The following FAF1 variants were observed in gnomAD, a reference collection of about 807,000 sequenced individuals.
FAF1 encodes the protein FAS-associated factor 1.
In FAF1, 25 loss-of-function variants were observed where a neutral mutation model predicts 92.5. That is an observed-to-expected ratio of 0.27 (90% CI 0.20 to 0.38). The LOEUF (loss-of-function observed/expected upper bound fraction) is 0.38, where lower values mean the gene tolerates loss of function less well. Among genes scored for constraint, FAF1 ranks in the 10% least tolerant of loss-of-function variants. FAF1 has a pLI of 1.00. For missense variants in FAF1, 636 were observed against 793.3 expected (o/e 0.80, Z 2.38); for synonymous variants, 234 against 273.2 (o/e 0.86, Z 1.42).
At chr1:50,734,733 C>CA (rs71672961) in intron 6 of FAF1, among the ~76,000 whole-genome samples, 1,280 of 83,898 alleles carry the variant, frequency 0.015, 3 homozygotes, top group Middle Eastern at 0.026. Flanking sequence ...GACTCCATCT[C>CA]AAAAAAAAAA....
At chr1:50,834,442 CAG>C (rs1644182853) in intron 2 of FAF1, among the ~76,000 whole-genome samples, 1 of 152,304 alleles carries the variant, frequency 6.6e-6, no homozygotes. Context: ...CCAAGAAAAT[CAG>C]AGTCATTGGG....
chr1:50,819,791 A>AT (rs1312250620), intron 2 of FAF1, among the ~76,000 whole-genome samples: 1 of 99,560 alleles, frequency 1.0e-5, no homozygotes, highest in African/African-American at 3.7e-5. Flanking sequence ...ATATATACAT[A>AT]TATATATATA....
At chr1:50,809,698 A>C (rs904749414) in intron 2 of FAF1, among the ~76,000 whole-genome samples, 5 of 152,222 alleles carry the variant, frequency 3.3e-5, no homozygotes, top group Admixed American at 6.5e-5. Flanking sequence ...TGTATATAGA[A>C]GATCTGATAC....
chr1:50,932,329 T>C (rs1214147337), intron 1 of FAF1, among the ~76,000 whole-genome samples: 1 of 152,224 alleles, frequency 6.6e-6, no homozygotes, highest in African/African-American at 2.4e-5. Flanking sequence ...GCAAGCTAGT[T>C]ATTTCCCAGA....
chr1:50,579,682 G>T (rs1650902742), intron 12 of FAF1, among the ~76,000 whole-genome samples: 1 of 152,112 alleles, frequency 6.6e-6, no homozygotes, highest in Non-Finnish European at 1.5e-5. Context: ...ATATCACAAG[G>T]AAACAATCAC....
chr1:50,622,912 G>A (rs912066145), intron 8 of FAF1, among the ~76,000 whole-genome samples: 20 of 152,124 alleles, frequency 1.3e-4, no homozygotes, highest in Non-Finnish European at 2.9e-5. Context: ...GTTTCTTTTA[G>A]ATTCTACCCT....
rs553545555 is a variant in FAF1 at position 50,596,196 on chromosome 1, C to A, written c.765G>T (p.Gly255=). 6.2e-7 allele frequency: 1 copy of A among 1,613,404 alleles called. No homozygotes were observed. Among genetic ancestry groups the A allele is most frequent in the African/African-American group, 1.3e-5 (1 of 74,972 alleles). Reference sequence around the variant, plus strand: ...TAAGTCGATGGCAGGGATAAGAGAGCCCTGATTCAGCAAGACACATCTGCA... The same window carrying A: ...TAAGTCGATGGCAGGGATAAGAGAGACCTGATTCAGCAAGACACATCTGCA... The part of the protein sequence containing the change: ...TDDSMCLAES[G]LSYPCHRLTV... Residue 255 remains glycine (G), a synonymous_variant, in exon 9 of 19, where the codon GGG becomes GGT. Coordinates refer to ENST00000396153, the MANE Select transcript of FAF1 (RefSeq NM_007051.3).
rs531806145 is a variant in FAF1, at chr1:50,742,471, C to T, written c.459+2213G>A. Reference sequence around the variant, plus strand: ...AAATCTCAGCTCACTGCAACCTCCACCTCCCAGGTTCAAGCGATTCTTGTG... The same window carrying T: ...AAATCTCAGCTCACTGCAACCTCCATCTCCCAGGTTCAAGCGATTCTTGTG... On this transcript the variant is annotated intron_variant, in intron 5 of 18. Coordinates refer to ENST00000396153, the MANE Select transcript of FAF1 (RefSeq NM_007051.3). Among the ~76,000 whole-genome samples, 13 of 152,256 alleles carry T rather than the reference C, an allele frequency of 8.5e-5. No individual in the cohort carries two copies. In the South Asian group the frequency reaches 2.7e-3, roughly 32 times the overall value.
rs562603850 is a variant in FAF1 at position 50,661,923 on chromosome 1, T to C, written c.658-6395A>G. 1.6e-3 allele frequency among the ~76,000 whole-genome samples: 239 copies of C among 152,306 alleles called. 1 individual carries two copies. Among genetic ancestry groups the C allele is most frequent in the African/African-American group, 5.6e-3 (234 of 41,572 alleles). On this transcript the variant is annotated intron_variant, in intron 7 of 18. Transcript: ENST00000396153. ...TGCACATGGATTTGTTTTACTAAGATGCAAGTTAAAACCCTCCTTAAAATC... is the reference window on the plus strand; with the variant it reads ...TGCACATGGATTTGTTTTACTAAGACGCAAGTTAAAACCCTCCTTAAAATC...
intron 8 of FAF1, among the ~76,000 whole-genome samples, chr1:50,648,690 G>A (rs1420401211): frequency 1.3e-5 from 2 of 152,180 alleles, no homozygotes; most frequent in African/African-American, 2.4e-5. Flanking sequence ...ACTTTGGGAA[G>A]CCGAGGTAGG....
intron 8 of FAF1, among the ~76,000 whole-genome samples, chr1:50,642,788 T>C (rs1387140504): frequency 1.3e-5 from 2 of 152,194 alleles, no homozygotes; most frequent in African/African-American, 4.8e-5. Context: ...TTAAACCATA[T>C]TGCTGTTTGT....
At chr1:50,759,609 C>T (rs1353746467) in intron 4 of FAF1, among the ~76,000 whole-genome samples, 2 of 152,044 alleles carry the variant, frequency 1.3e-5, no homozygotes, top group African/African-American at 4.8e-5. Flanking sequence ...CCGCAATAAA[C>T]ATACGTGTGC....
At chr1:50,610,208 C>T (rs1252873843) in intron 8 of FAF1, among the ~76,000 whole-genome samples, 2 of 152,114 alleles carry the variant, frequency 1.3e-5, no homozygotes, top group Non-Finnish European at 2.9e-5. Flanking sequence ...ATATGTATTA[C>T]CTGTTTCATA....
At chr1:50,846,682 C>T in intron 2 of FAF1, 1 of 572,110 alleles carries the variant, frequency 1.7e-6, no homozygotes, top group Admixed American at 1.9e-5. Flanking sequence ...ATGCACCAAC[C>T]ACAACTGTTG....
rs1332743961 is a variant in FAF1 at position 50,814,211 on chromosome 1, G to A, written c.115-12534C>T. 2.0e-5 allele frequency among the ~76,000 whole-genome samples: 3 copies of A among 152,156 alleles called. No homozygotes were observed. In the East Asian group the frequency reaches 5.8e-4, roughly 29 times the overall value. On this transcript the variant is annotated intron_variant, in intron 2 of 18. Transcript: ENST00000396153. Reference sequence around the variant, plus strand: ...ACTAATATGCATAGCTGCATATAAGGCATAATATGCCTAGGCAAAGTAATA... The same window carrying A: ...ACTAATATGCATAGCTGCATATAAGACATAATATGCCTAGGCAAAGTAATA...
intron 6 of FAF1, among the ~76,000 whole-genome samples, chr1:50,707,774 TAC>T (rs1290489707): frequency 2.0e-5 from 3 of 152,072 alleles, no homozygotes; most frequent in Non-Finnish European, 4.4e-5. Context: ...TGTGGCACAC[TAC>T]AGATATTTAT....
At chr1:50,612,618 GC>G in intron 8 of FAF1, 1 of 338,404 alleles carries the variant, frequency 3.0e-6, no homozygotes, top group Non-Finnish European at 4.2e-6. Context: ...TATTTTTCCA[GC>G]AGCATCTAAT....
intron 4 of FAF1, among the ~76,000 whole-genome samples, chr1:50,747,122 CCA>C (rs906160634): frequency 4.6e-5 from 7 of 152,178 alleles, no homozygotes. Context: ...GGTTGGACCC[CCA>C]CACACACAGT....
At chr1:50,679,174 C>T (rs1201324088) in intron 7 of FAF1, among the ~76,000 whole-genome samples, 1 of 152,140 alleles carries the variant, frequency 6.6e-6, no homozygotes, top group African/African-American at 2.4e-5. Context: ...TTTGTAACTG[C>T]TATATGTGGC....
Sources: allele counts gnomAD v4.1 joint callset (sites outside exome capture counted in the v4.1 genomes callset), GRCh38; gene constraint gnomAD v4.1.1; transcripts MANE v1.5; gene names NCBI Gene and HGNC (gene_info 2026-07-23, HGNC 2026-07-21).